Variants in SNTG1 observed in about 807,000 individuals in gnomAD.
SNTG1 encodes gamma-1-syntrophin.
A neutral mutation model predicts 74.7 loss-of-function variants in SNTG1; 39 were observed. The ratio of observed to expected loss-of-function variants is 0.52; its 90% CI spans 0.40 to 0.68. The LOEUF (loss-of-function observed/expected upper bound fraction) is 0.68, where lower values mean the gene tolerates loss of function less well. Among genes scored for constraint, SNTG1 ranks in the 30% least tolerant of loss-of-function variants. The pLI, the probability that SNTG1 is intolerant of heterozygous loss-of-function variation, is 0.00. For synonymous variants in SNTG1, 254 were observed against 217.1 expected (o/e 1.17, Z -1.49); for missense variants, 685 against 609.5 (o/e 1.12, Z -1.30).
At chr8:50,501,936 T>G (rs972381118) in intron 8 of SNTG1, among the ~76,000 whole-genome samples, 1 of 152,204 alleles carries the variant, frequency 6.6e-6, no homozygotes, top group Non-Finnish European at 1.5e-5. Context: ...ATTATAAACA[T>G]ATTAATATCT....
At chr8:50,081,656 T>G (rs1822425345) in intron 1 of SNTG1, among the ~76,000 whole-genome samples, 1 of 152,066 alleles carries the variant, frequency 6.6e-6, no homozygotes, top group African/African-American at 2.4e-5. Context: ...ATTTTTTAGA[T>G]GGAGTCTCTC....
rs555099095 is a variant in SNTG1 at position 50,124,732 on chromosome 8, G to T, written c.-102-47829G>T. Among the ~76,000 whole-genome samples the T allele has an allele frequency of 2.1e-5, 3 of 140,930 alleles. 1 individual carries two copies. The highest frequency in any genetic ancestry group is 7.7e-5 in the African/African-American group (3 of 39,180). 92.5% of individuals were successfully genotyped at this position (140,930 alleles called of 152,430 possible). ...ACCTCCAAGGGCTTTCCCTGCTTCT[G>T]CTTGTGCTAGGCAGTGAGGAAGAAA... On this transcript the variant is annotated intron_variant, in intron 1 of 18. Coordinates refer to ENST00000642720, the MANE Select transcript of SNTG1 (RefSeq NM_018967.5).
At chr8:49,915,448 C>A (rs2450290) in intron 1 of SNTG1, among the ~76,000 whole-genome samples, 125,570 of 152,156 alleles carry the variant, frequency 0.83, 54,016 homozygotes, top group Non-Finnish European at 0.94. Context: ...TTCCCTGATA[C>A]TTCAGCAGTC....
chr8:50,684,413 T>C (rs2131403363), intron 15 of SNTG1, among the ~76,000 whole-genome samples: 1 of 152,270 alleles, frequency 6.6e-6, no homozygotes, highest in Non-Finnish European at 1.5e-5. Context: ...GAAATTAATT[T>C]TGTTTTGTGT....
chr8:50,754,225 T>C (rs73678684), intron 18 of SNTG1, among the ~76,000 whole-genome samples: 2,191 of 152,108 alleles, frequency 0.014, 46 homozygotes, highest in African/African-American at 0.049. Flanking sequence ...AATTGCACCA[T>C]AGAATAGAAA....
In SNTG1 at chr8:50,098,025, A is replaced by G. The variant is rs574281541; in HGVS notation, c.-102-74536A>G. Among the ~76,000 whole-genome samples the G allele has an allele frequency of 2.0e-5, 3 of 152,274 alleles. No homozygotes were observed. In the East Asian group the frequency reaches 5.8e-4, roughly 29 times the overall value. ...AGCAATTGAATTTTTTCTACTTCCT[A>G]CTTCTCCAAAATCTTATAATTGTCA... On this transcript the variant is annotated intron_variant, in intron 1 of 18. Coordinates refer to ENST00000642720, the MANE Select transcript of SNTG1 (RefSeq NM_018967.5).
At chr8:50,733,115 A>G (rs2095517009) in intron 17 of SNTG1, among the ~76,000 whole-genome samples, 1 of 151,766 alleles carries the variant, frequency 6.6e-6, no homozygotes. Context: ...TTCAGTGTTT[A>G]TTGTTCTCAT....
At chr8:50,144,376 G>A (rs1283922501) in intron 1 of SNTG1, among the ~76,000 whole-genome samples, 2 of 152,156 alleles carry the variant, frequency 1.3e-5, no homozygotes, top group Non-Finnish European at 2.9e-5. Flanking sequence ...TGAAATGATA[G>A]TGGTGAGTAT....
intron 16 of SNTG1, among the ~76,000 whole-genome samples, chr8:50,706,148 G>A (rs2095442696): frequency 6.6e-6 from 1 of 151,954 alleles, no homozygotes; most frequent in South Asian, 2.1e-4. Flanking sequence ...TCCAATTATA[G>A]TTTTTTTAAT....
intron 2 of SNTG1, among the ~76,000 whole-genome samples, chr8:50,233,380 A>G (rs2085730609): frequency 6.6e-6 from 1 of 151,762 alleles, no homozygotes; most frequent in Non-Finnish European, 1.5e-5. Context: ...CCTTGATTTA[A>G]ACTTCACTCC....
chr8:50,265,126 T>G (rs948962723), intron 2 of SNTG1, among the ~76,000 whole-genome samples: 2 of 152,098 alleles, frequency 1.3e-5, no homozygotes, highest in African/African-American at 2.4e-5. Flanking sequence ...TCCTAACTCA[T>G]TCTGTGAGGT....
At chr8:50,752,624 A>G (rs1219095444) in intron 18 of SNTG1, among the ~76,000 whole-genome samples, 1 of 151,982 alleles carries the variant, frequency 6.6e-6, no homozygotes, top group East Asian at 1.9e-4. Flanking sequence ...GTAAATAACA[A>G]AGTGAAAAAA....
At chr8:50,483,162 G>A (rs371057177) in intron 8 of SNTG1, among the ~76,000 whole-genome samples, 1 of 152,176 alleles carries the variant, frequency 6.6e-6, no homozygotes, top group Non-Finnish European at 1.5e-5. Context: ...ATATTGAACA[G>A]TCTCATAATG....
rs186818297 is a variant in SNTG1 at position 50,121,034 on chromosome 8, G to T, written c.-102-51527G>T. On this transcript the variant is annotated intron_variant, in intron 1 of 18. Coordinates refer to ENST00000642720, the MANE Select transcript of SNTG1 (RefSeq NM_018967.5). ...TCATTATCATATCAAGACACTGAAA[G>T]GAAAATATTTATTTATTAGATTTAT... Among the ~76,000 whole-genome samples, 295 of 141,304 alleles carry T rather than the reference G, an allele frequency of 2.1e-3. 36 individuals are homozygous for T. The highest frequency in any genetic ancestry group is 7.0e-3 in the African/African-American group (276 of 39,166). 92.7% of individuals were successfully genotyped at this position (141,304 alleles called of 152,430 possible). A position where few individuals can be genotyped will look rare whatever the true frequency, so the allele number is the denominator to read the frequency against.
chr8:50,391,336 C>T lies in SNTG1; in HGVS notation c.-27-2876C>T, dbSNP rs186042937. ...TGCATTTATTGAGATAATCACGTGG[C>T]TTTTGTCTTTGGTTCTGTTTATATG... On this transcript the variant is annotated intron_variant, in intron 2 of 18. Coordinates refer to ENST00000642720, the MANE Select transcript of SNTG1 (RefSeq NM_018967.5). Among the ~76,000 whole-genome samples the T allele has an allele frequency of 9.3e-3, 1,416 of 152,046 alleles. 27 individuals carry two copies. Among genetic ancestry groups the T allele is most frequent in the African/African-American group, 0.032 (1,343 of 41,480 alleles).
At chr8:50,784,962 C>T (rs12548450) in intron 18 of SNTG1, among the ~76,000 whole-genome samples, 48,774 of 151,298 alleles carry the variant, frequency 0.32, 7,944 homozygotes, top group Middle Eastern at 0.43. Flanking sequence ...ACCAATGGGT[C>T]AAAAAAAATC....
rs997190175 is a variant in SNTG1, at chr8:50,583,478, C to G, written c.811-7401C>G. Among the ~76,000 whole-genome samples the G allele has an allele frequency of 2.6e-5, 4 of 151,254 alleles. 1 individual carries two copies. The East Asian group carries it at 7.8e-4, about 29-fold the overall frequency. ...TAGAAAATAACTAGCATCAAAAATT[C>G]TTGGAGCTGCAAAGCCCTCTGTCAT... is the stretch of plus-strand genomic sequence containing the variant. On this transcript the variant is annotated intron_variant, in intron 12 of 18. Coordinates refer to ENST00000642720, the MANE Select transcript of SNTG1 (RefSeq NM_018967.5).
intron 2 of SNTG1, among the ~76,000 whole-genome samples, chr8:50,294,415 C>A (rs879939424): frequency 3.3e-5 from 5 of 152,124 alleles, no homozygotes; most frequent in Non-Finnish European, 7.4e-5. Context: ...TAAGAGAGAT[C>A]TATTTTAAGG....
chr8:50,046,458 A>G (rs1028425202), intron 1 of SNTG1, among the ~76,000 whole-genome samples: 1 of 152,192 alleles, frequency 6.6e-6, no homozygotes, highest in African/African-American at 2.4e-5. Context: ...AAGAAAGATA[A>G]CATATTATTT....
Sources: allele counts gnomAD v4.1 joint callset (sites outside exome capture counted in the v4.1 genomes callset), GRCh38; gene constraint gnomAD v4.1.1; transcripts MANE v1.5; gene names NCBI Gene and HGNC (gene_info 2026-07-23, HGNC 2026-07-21).